Variants in CLSTN2 observed in about 807,000 individuals in gnomAD.
The protein encoded by CLSTN2 is calsyntenin-2.
Under a neutral mutation model 101.2 loss-of-function variants are expected in CLSTN2, and 48 were observed. That is an observed-to-expected ratio of 0.47 (90% CI 0.38 to 0.60). CLSTN2 has a LOEUF of 0.60. CLSTN2 is among the 20% of genes least tolerant of loss of function. The pLI is 0.00. For missense variants in CLSTN2, 1,160 were observed against 1,238.2 expected (o/e 0.94, Z 0.95); for synonymous variants, 481 against 463.6 (o/e 1.04, Z -0.48).
At chr3:140,228,843 G>A (rs2086346597) in intron 2 of CLSTN2, among the ~76,000 whole-genome samples, 1 of 152,098 alleles carries the variant, frequency 6.6e-6, no homozygotes, top group Admixed American at 6.6e-5. Context: ...AACAGAGCAG[G>A]AAAGACCCGC....
intron 1 of CLSTN2, among the ~76,000 whole-genome samples, chr3:139,977,398 C>T (rs2107821827): frequency 6.6e-6 from 1 of 152,256 alleles, no homozygotes; most frequent in East Asian, 1.9e-4. Flanking sequence ...TGGGCTCAGG[C>T]CTCCATGGTC....
chr3:140,031,349 T>C (rs1313772741), intron 1 of CLSTN2, among the ~76,000 whole-genome samples: 1 of 152,220 alleles, frequency 6.6e-6, no homozygotes. Context: ...ATCACTACAT[T>C]CCTGGGATGG....
intron 8 of CLSTN2, among the ~76,000 whole-genome samples, chr3:140,493,135 C>T (rs138401940): frequency 6.6e-6 from 1 of 152,346 alleles, no homozygotes; most frequent in Non-Finnish European, 1.5e-5. Context: ...ATTATTGCCT[C>T]ACTCATGTTT....
intron 2 of CLSTN2, among the ~76,000 whole-genome samples, chr3:140,193,193 A>ATT (rs1271281792): frequency 3.9e-5 from 5 of 128,872 alleles, no homozygotes; most frequent in African/African-American, 1.2e-4. Context: ...GGGCTTTTGT[A>ATT]TTTACCATTA....
At chr3:140,407,885 G>C (rs1233021123) in intron 4 of CLSTN2, among the ~76,000 whole-genome samples, 2 of 152,168 alleles carry the variant, frequency 1.3e-5, no homozygotes, top group Admixed American at 1.3e-4. Context: ...CTTTCCATCA[G>C]ATCGCACCTC....
intron 12 of CLSTN2, among the ~76,000 whole-genome samples, chr3:140,561,378 C>T (rs1170420027): frequency 5.3e-5 from 8 of 152,072 alleles, no homozygotes; most frequent in South Asian, 4.2e-4. Context: ...TTAGGACTGC[C>T]GAACTCTGCC....
At chr3:140,132,615 A>G (rs2009540188) in intron 1 of CLSTN2, among the ~76,000 whole-genome samples, 1 of 152,200 alleles carries the variant, frequency 6.6e-6, no homozygotes, top group South Asian at 2.1e-4. Flanking sequence ...TGTCATGAGG[A>G]TTAAATGAGA....
At chr3:140,378,508 C>T (rs762053404) in intron 2 of CLSTN2, among the ~76,000 whole-genome samples, 1 of 152,220 alleles carries the variant, frequency 6.6e-6, no homozygotes, top group Non-Finnish European at 1.5e-5. Context: ...AGGTGGAGCT[C>T]AAGACGCAGT....
intron 2 of CLSTN2, among the ~76,000 whole-genome samples, chr3:140,193,055 A>G (rs1334601033): frequency 6.6e-6 from 1 of 151,492 alleles, no homozygotes; most frequent in Non-Finnish European, 1.5e-5. Context: ...TCTCCTTTCC[A>G]TTGCTTCTTC....
At chr3:140,240,235 C>A (rs1339282989) in intron 2 of CLSTN2, among the ~76,000 whole-genome samples, 16 of 52,874 alleles carry the variant, frequency 3.0e-4, no homozygotes, top group African/African-American at 7.1e-4. Context: ...TATATATATG[C>A]ATATATACAC....
At chr3:139,997,855 A>G (rs1405773726) in intron 1 of CLSTN2, among the ~76,000 whole-genome samples, 1 of 152,190 alleles carries the variant, frequency 6.6e-6, no homozygotes, top group African/African-American at 2.4e-5. Flanking sequence ...GGCCACTTTT[A>G]GAAAACATCA....
chr3:140,165,150 G>A (rs2010115204), intron 1 of CLSTN2, among the ~76,000 whole-genome samples: 1 of 152,086 alleles, frequency 6.6e-6, no homozygotes, highest in South Asian at 2.1e-4. Context: ...CACACACATG[G>A]GATTTGTATT....
chr3:140,336,792 G>C (rs372785132), intron 2 of CLSTN2, among the ~76,000 whole-genome samples: 12 of 152,322 alleles, frequency 7.9e-5, no homozygotes, highest in African/African-American at 2.9e-4. Flanking sequence ...CTGCTCTGTG[G>C]ATTGTGCTGC....
At chr3:140,556,468 C>T (rs1314485356) in intron 10 of CLSTN2, 45 bp from the exon 11 acceptor site, 1 of 1,605,138 alleles carries the variant, frequency 6.2e-7, no homozygotes, top group Admixed American at 1.7e-5. Flanking sequence ...AAACCATGTA[C>T]ATCACTGACC....
intron 2 of CLSTN2, among the ~76,000 whole-genome samples, chr3:140,294,861 A>G (rs910480161): frequency 2.6e-5 from 4 of 152,158 alleles, no homozygotes; most frequent in African/African-American, 9.7e-5. Flanking sequence ...CATGTTGCAG[A>G]CTGCTGACTG....
intron 2 of CLSTN2, among the ~76,000 whole-genome samples, chr3:140,286,247 G>A (rs1313578221): frequency 2.6e-5 from 4 of 152,186 alleles, no homozygotes. Flanking sequence ...TGTGTGCTGA[G>A]CCTTTTATTC....
chr3:140,309,148 CTAAT>C (rs2087141003), intron 2 of CLSTN2, among the ~76,000 whole-genome samples: 1 of 152,180 alleles, frequency 6.6e-6, no homozygotes, highest in Non-Finnish European at 1.5e-5. Flanking sequence ...AACTAAACAA[CTAAT>C]TATTTAAATT....
chr3:139,982,192 TTTGG>T lies in CLSTN2; in HGVS notation c.109+46713_109+46716del, dbSNP rs551484919. On this transcript the variant is annotated intron_variant, in intron 1 of 16. Coordinates refer to ENST00000458420, the MANE Select transcript of CLSTN2 (RefSeq NM_022131.3). ...ATTTCTTGTCTCTGTGTGGTTTGTT[TTTGG>T]TTGAATTTTTATATTTTCAGGTATT... is the stretch of plus-strand genomic sequence containing the variant. 2.0e-5 allele frequency among the ~76,000 whole-genome samples: 3 copies of T among 152,252 alleles called. No individual in the cohort carries two copies. The South Asian group carries it at 6.2e-4, about 32-fold the overall frequency.
At position 140,355,249 on chromosome 3, in the gene CLSTN2, A is replaced by G. The variant is rs566103878; in HGVS notation, c.233-48380A>G. ...TTCTTACTCAATTTTTTGAACCTAAATATGAAACTTCACTCCACTGGTAGT... is the reference window on the plus strand; with the variant it reads ...TTCTTACTCAATTTTTTGAACCTAAGTATGAAACTTCACTCCACTGGTAGT... On this transcript the variant is annotated intron_variant, in intron 2 of 16. Transcript: ENST00000458420. Among the ~76,000 whole-genome samples the G allele has an allele frequency of 5.6e-4, 86 of 152,334 alleles. 2 individuals carry two copies. The highest frequency in any genetic ancestry group is 1.8e-3 in the Admixed American group (28 of 15,302).
Sources: allele counts gnomAD v4.1 joint callset (sites outside exome capture counted in the v4.1 genomes callset), GRCh38; gene constraint gnomAD v4.1.1; transcripts MANE v1.5; gene names NCBI Gene and HGNC (gene_info 2026-07-23, HGNC 2026-07-21).